MFHAS1: variants seen among roughly 807,000 people sequenced by gnomAD.
MFHAS1 encodes multifunctional ROCO family signaling regulator 1, also known as malignant fibrous histiocytoma-amplified sequence 1.
MFHAS1 carries 50 observed loss-of-function variants against 70.4 expected under a neutral mutation model. That is an observed-to-expected ratio of 0.71 (90% CI 0.57 to 0.90). The LOEUF is 0.90. Ranked by LOEUF, MFHAS1 falls within the 40% of genes least tolerant of loss-of-function variation. The pLI is 0.00. For synonymous variants in MFHAS1, 952 were observed against 620.0 expected, an observed-to-expected ratio of 1.54 and a Z score of -7.96; for missense variants, 1,795 against 1,347.6, an observed-to-expected ratio of 1.33 and a Z score of -5.20.
At chr8:8,885,135 G>A (rs1317283949) in intron 1 of MFHAS1, among the ~76,000 whole-genome samples, 1 of 152,106 alleles carries the variant, frequency 6.6e-6, no homozygotes, top group Non-Finnish European at 1.5e-5. Context: ...AGTCAAATAT[G>A]CTGTGTTGTC....
chr8:8,850,661 C>G (rs1384681224), intron 1 of MFHAS1, among the ~76,000 whole-genome samples: 7 of 152,070 alleles, frequency 4.6e-5, no homozygotes, highest in African/African-American at 1.4e-4. Context: ...ATGGCAAAAC[C>G]CTGTCTCTAC....
intron 1 of MFHAS1, among the ~76,000 whole-genome samples, chr8:8,842,072 A>C (rs1807848363): frequency 6.6e-6 from 1 of 152,198 alleles, no homozygotes; most frequent in Admixed American, 6.5e-5. Context: ...GCGCCTTTAT[A>C]ATCATCTTAG....
intron 1 of MFHAS1, among the ~76,000 whole-genome samples, chr8:8,849,725 C>T (rs1808171282): frequency 6.6e-6 from 1 of 152,150 alleles, no homozygotes; most frequent in South Asian, 2.1e-4. Context: ...AACTATTTGT[C>T]TAAACTTCAA....
intron 1 of MFHAS1, among the ~76,000 whole-genome samples, chr8:8,816,285 C>G (rs966984277): frequency 6.6e-6 from 1 of 152,178 alleles, no homozygotes; most frequent in Admixed American, 6.5e-5. Flanking sequence ...CTCAACTATG[C>G]ATTTTTCTGT....
intron 1 of MFHAS1, among the ~76,000 whole-genome samples, chr8:8,810,884 G>T (rs938536351): frequency 3.9e-5 from 6 of 152,264 alleles, no homozygotes; most frequent in Non-Finnish European, 7.4e-5. Flanking sequence ...GGGGAGGAAG[G>T]AGAAGGAGTG....
chr8:8,828,159 C>T (rs919276856), intron 1 of MFHAS1, among the ~76,000 whole-genome samples: 1 of 152,286 alleles, frequency 6.6e-6, no homozygotes, highest in South Asian at 2.1e-4. Context: ...GATGCTGATG[C>T]AAATATACAA....
At chr8:8,836,857 T>G (rs150970711) in intron 1 of MFHAS1, among the ~76,000 whole-genome samples, 52 of 152,348 alleles carry the variant, frequency 3.4e-4, no homozygotes, top group African/African-American at 1.2e-3. Flanking sequence ...TTCTCTAAGT[T>G]AACCAACCTT....
chr8:8,817,258 A>G (rs1585032000), intron 1 of MFHAS1, among the ~76,000 whole-genome samples: 1 of 152,056 alleles, frequency 6.6e-6, no homozygotes, highest in South Asian at 2.1e-4. Context: ...CCTGGCTTCT[A>G]TGAAAGGAAA....
intron 1 of MFHAS1, among the ~76,000 whole-genome samples, chr8:8,876,701 A>G (rs1809309656): frequency 6.6e-6 from 1 of 152,018 alleles, no homozygotes; most frequent in South Asian, 2.1e-4. Flanking sequence ...AAGGGGAAAA[A>G]GTACTTTTAA....
intron 1 of MFHAS1, among the ~76,000 whole-genome samples, chr8:8,874,412 G>A (rs1300714852): frequency 6.6e-6 from 1 of 151,266 alleles, no homozygotes; most frequent in Non-Finnish European, 1.5e-5. Context: ...CTGTTCATAT[G>A]GAGGCATCTC....
At chr8:8,806,555 C>A (rs1806296913) in intron 1 of MFHAS1, among the ~76,000 whole-genome samples, 1 of 152,208 alleles carries the variant, frequency 6.6e-6, no homozygotes, top group South Asian at 2.1e-4. Context: ...TTACTGTTCT[C>A]AGCATCTTCA....
chr8:8,836,346 GA>G (rs1243082602), intron 1 of MFHAS1, among the ~76,000 whole-genome samples: 1 of 152,066 alleles, frequency 6.6e-6, no homozygotes, highest in Non-Finnish European at 1.5e-5. Context: ...TGGCTTCTTA[GA>G]AAAAGTACCC....
intron 1 of MFHAS1, among the ~76,000 whole-genome samples, chr8:8,883,725 A>AAG (rs1809625302): frequency 6.7e-6 from 1 of 149,304 alleles, no homozygotes; most frequent in African/African-American, 2.5e-5. Context: ...AAAAAAAAAA[A>AAG]AAAAAAGAAA....
chr8:8,796,288 T>C (rs1310214926), intron 2 of MFHAS1, among the ~76,000 whole-genome samples: 4 of 152,166 alleles, frequency 2.6e-5, no homozygotes, highest in Non-Finnish European at 5.9e-5. Context: ...ATCAGAACCA[T>C]GCAACAGAAA....
intron 1 of MFHAS1, among the ~76,000 whole-genome samples, chr8:8,835,829 T>C (rs1807574795): frequency 6.6e-6 from 1 of 152,216 alleles, no homozygotes; most frequent in South Asian, 2.1e-4. Context: ...AGAACAAAAG[T>C]TGGCAAAACA....
At chr8:8,866,501 A>G (rs1808863276) in intron 1 of MFHAS1, among the ~76,000 whole-genome samples, 1 of 151,898 alleles carries the variant, frequency 6.6e-6, no homozygotes, top group Admixed American at 6.6e-5. Flanking sequence ...TATTTTTTGT[A>G]GAAATGGGGT....
intron 1 of MFHAS1, among the ~76,000 whole-genome samples, chr8:8,806,361 C>T (rs1039910789): frequency 6.6e-6 from 1 of 152,098 alleles, no homozygotes; most frequent in Non-Finnish European, 1.5e-5. Context: ...TAACTGGGGG[C>T]CAGAATAAAC....
chr8:8,817,805 AT>A (rs1806803626), intron 1 of MFHAS1, among the ~76,000 whole-genome samples: 1 of 152,196 alleles, frequency 6.6e-6, no homozygotes, highest in African/African-American at 2.4e-5. Context: ...AGAATTCACA[AT>A]AGAGTTCAAG....
intron 1 of MFHAS1, among the ~76,000 whole-genome samples, chr8:8,886,552 G>A (rs1353349103): frequency 2.6e-5 from 4 of 152,064 alleles, no homozygotes; most frequent in Admixed American, 2.6e-4. Context: ...GGGCAGCTCA[G>A]GCCAGAAAAT....
Sources: allele counts gnomAD v4.1 joint callset (sites outside exome capture counted in the v4.1 genomes callset), GRCh38; gene constraint gnomAD v4.1.1; transcripts MANE v1.5; gene names NCBI Gene and HGNC (gene_info 2026-07-23, HGNC 2026-07-21).